Variants in HPSE2 observed in about 807,000 individuals in gnomAD.
HPSE2 encodes inactive heparanase-2.
In HPSE2, 38 loss-of-function variants were observed where a neutral mutation model predicts 60.5. The observed-to-expected ratio is 0.63, with a 90% CI of 0.48 to 0.82. HPSE2 has a LOEUF of 0.82. Among genes scored for constraint, HPSE2 ranks in the 40% least tolerant of loss-of-function variants. HPSE2 has a pLI of 0.00. For missense variants in HPSE2, 713 were observed against 740.4 expected, an observed-to-expected ratio of 0.96 and a Z score of 0.43; for synonymous variants, 295 against 293.2, an observed-to-expected ratio of 1.01 and a Z score of -0.06.
At chr10:99,282,980 C>T in the HPSE2 span, among the ~76,000 whole-genome samples, 9 of 151,876 alleles carry the variant, frequency 5.9e-5, no homozygotes, top group African/African-American at 1.9e-4. Context: ...GTCAGGAGAT[C>T]GAGACCATCC....
chr10:98,761,402 A>G (rs1302203603), intron 3 of HPSE2, among the ~76,000 whole-genome samples: 3 of 152,022 alleles, frequency 2.0e-5, no homozygotes, highest in African/African-American at 7.2e-5. Flanking sequence ...TCTCGTCTTT[A>G]TTATTTCCTT....
intron 3 of HPSE2, among the ~76,000 whole-genome samples, chr10:99,096,519 T>G (rs1391995938): frequency 6.6e-6 from 1 of 152,190 alleles, no homozygotes; most frequent in Non-Finnish European, 1.5e-5. Flanking sequence ...GTAGTTCCCC[T>G]CTACTTTATT....
intron 11 of HPSE2, among the ~76,000 whole-genome samples, chr10:98,481,640 C>T (rs908122819): frequency 3.9e-5 from 6 of 152,132 alleles, no homozygotes; most frequent in Admixed American, 2.6e-4. Context: ...TAAGTGACTT[C>T]CCAGATTGTT....
rs58049545 is a variant in HPSE2 at position 99,181,397 on chromosome 10, CAA to C, written c.449-37000_449-36999del. On this transcript the variant is annotated intron_variant, in intron 2 of 11. Coordinates refer to ENST00000370552, the MANE Select transcript of HPSE2 (RefSeq NM_021828.5). ...TGGGCGACAGAGCGAGACTCCGTCT[CAA>C]AAAAAAAAAAAAAAAAAAAAAAGAC... 2.3e-3 allele frequency among the ~76,000 whole-genome samples: 239 copies of C among 104,734 alleles called. 2 individuals are homozygous for C. The highest frequency in any genetic ancestry group is 0.012 in the African/African-American group (215 of 18,496). 68.7% of individuals were successfully genotyped at this position (104,734 alleles called of 152,430 possible).
At chr10:98,527,425 C>G (rs1468920235) in intron 9 of HPSE2, among the ~76,000 whole-genome samples, 1 of 152,202 alleles carries the variant, frequency 6.6e-6, no homozygotes, top group Non-Finnish European at 1.5e-5. Context: ...TTTGCTACCT[C>G]TAGCTTTCCT....
chr10:99,055,222 G>A (rs1407744795), intron 3 of HPSE2, among the ~76,000 whole-genome samples: 1 of 152,142 alleles, frequency 6.6e-6, no homozygotes, highest in African/African-American at 2.4e-5. Flanking sequence ...AGCAGCTATT[G>A]TAAATATGTA....
chr10:98,975,615 T>C (rs1002693208), intron 3 of HPSE2, among the ~76,000 whole-genome samples: 1 of 152,198 alleles, frequency 6.6e-6, no homozygotes. Context: ...TAAATATTTA[T>C]TGAAAAATAT....
intron 4 of HPSE2, among the ~76,000 whole-genome samples, chr10:98,742,390 G>GCA (rs1431585552): frequency 6.6e-6 from 1 of 151,782 alleles, no homozygotes; most frequent in Non-Finnish European, 1.5e-5. Flanking sequence ...ATACACATGG[G>GCA]CACACACACA....
intron 3 of HPSE2, among the ~76,000 whole-genome samples, chr10:99,048,506 T>C (rs940673667): frequency 1.3e-5 from 2 of 151,904 alleles, no homozygotes; most frequent in Non-Finnish European, 2.9e-5. Flanking sequence ...ATTAGAGAAA[T>C]GCAAATCAAA....
intron 2 of HPSE2, among the ~76,000 whole-genome samples, chr10:99,145,228 G>C (rs576090583): frequency 2.6e-5 from 4 of 152,126 alleles, no homozygotes; most frequent in African/African-American, 9.7e-5. Context: ...AGGCCAAGGC[G>C]GGCAGATCAC....
intron 9 of HPSE2, among the ~76,000 whole-genome samples, chr10:98,528,478 CAA>C (rs1300301935): frequency 6.6e-6 from 1 of 152,084 alleles, no homozygotes; most frequent in Non-Finnish European, 1.5e-5. Flanking sequence ...AGCAGGAGAG[CAA>C]AGAGGATGGA....
In HPSE2 at chr10:98,889,501, CCCAGCCGG is replaced by C. The variant is rs562116801; in HGVS notation, c.611-145453_611-145446del. On this transcript the variant is annotated intron_variant, in intron 3 of 11. Coordinates refer to ENST00000370552, the MANE Select transcript of HPSE2 (RefSeq NM_021828.5). ...GGGATTACAGGCGTGAGCCACTGCA[CCCAGCCGG>C]TTTTTAAACTTTTATTCTTGGGCTA... Among the ~76,000 whole-genome samples, 42 of 152,196 alleles carry C rather than the reference CCCAGCCGG, an allele frequency of 2.8e-4. No individual in the cohort carries two copies. In the East Asian group the frequency reaches 7.9e-3, roughly 29 times the overall value.
rs3043548 is a variant in HPSE2 at position 98,888,135 on chromosome 10, AACACACACAC to A, written c.611-144089_611-144080del. Among the ~76,000 whole-genome samples the A allele has an allele frequency of 1.7e-3, 234 of 140,802 alleles. 1 individual carries two copies. Among genetic ancestry groups the A allele is most frequent in the African/African-American group, 5.8e-3 (223 of 38,476 alleles). 92.4% of individuals were successfully genotyped at this position (140,802 alleles called of 152,430 possible). A position where few individuals can be genotyped will look rare whatever the true frequency, so the allele number is the denominator to read the frequency against. On this transcript the variant is annotated intron_variant, in intron 3 of 11. Transcript: ENST00000370552. ...TGCAAAAGGGATAGGTTTTAAAACA[AACACACACAC>A]ACACACACACACACACACACACACA...
intron 1 of HPSE2, among the ~76,000 whole-genome samples, chr10:99,233,339 C>T (rs184490283): frequency 1.4e-4 from 22 of 152,236 alleles, no homozygotes; most frequent in Middle Eastern, 3.4e-3. Context: ...TTTCTTCTTT[C>T]CCACTTGGGG....
intron 3 of HPSE2, among the ~76,000 whole-genome samples, chr10:99,058,443 C>CA (rs1958162927): frequency 6.6e-6 from 1 of 152,060 alleles, no homozygotes; most frequent in Admixed American, 6.6e-5. Flanking sequence ...TTTCCTGTAC[C>CA]AAGGAGCAAA....
At chr10:98,969,639 A>G (rs1324424586) in intron 3 of HPSE2, among the ~76,000 whole-genome samples, 3 of 152,244 alleles carry the variant, frequency 2.0e-5, no homozygotes, top group African/African-American at 7.2e-5. Flanking sequence ...AAGACAGAAC[A>G]TGCTATGACA....
chr10:99,025,671 A>T (rs1028121658), intron 3 of HPSE2, among the ~76,000 whole-genome samples: 3 of 152,112 alleles, frequency 2.0e-5, no homozygotes, highest in Non-Finnish European at 2.9e-5. Context: ...GAACACAAAG[A>T]AGGAAACAAC....
the HPSE2 span, among the ~76,000 whole-genome samples, chr10:99,305,320 T>C: frequency 4.6e-4 from 70 of 152,184 alleles, no homozygotes; most frequent in Admixed American, 2.9e-3. Flanking sequence ...GCCTTGGTTC[T>C]AAACAAAGGA....
At chr10:98,885,358 T>C (rs749633692) in intron 3 of HPSE2, among the ~76,000 whole-genome samples, 83 of 152,198 alleles carry the variant, frequency 5.5e-4, no homozygotes, top group Non-Finnish European at 1.1e-3. Flanking sequence ...ATTGTTGAAG[T>C]GACAGCAAAG....
Sources: allele counts gnomAD v4.1 joint callset (sites outside exome capture counted in the v4.1 genomes callset), GRCh38; gene constraint gnomAD v4.1.1; transcripts MANE v1.5; gene names NCBI Gene and HGNC (gene_info 2026-07-23, HGNC 2026-07-21).